Variants in COL5A2 observed in about 807,000 individuals in gnomAD.
The protein encoded by COL5A2 is collagen type V alpha 2 chain, also known as collagen alpha-2(V) chain.
A neutral mutation model predicts 208.2 loss-of-function variants in COL5A2; 23 were observed. That is an observed-to-expected ratio of 0.11 (90% confidence interval 0.08 to 0.16). The LOEUF is 0.16. COL5A2 is among the 10% of genes least tolerant of loss of function. The pLI is 1.00. For missense variants in COL5A2, 1,590 were observed against 1,956.4 expected (o/e 0.81, Z 3.53); for synonymous variants, 625 against 628.5 (o/e 0.99, Z 0.08).
intron 32 of COL5A2, 127 bp downstream of exon 32, chr2:189,058,722 A>G: frequency 1.0e-6 from 1 of 981,752 alleles, no homozygotes; most frequent in Non-Finnish European, 1.6e-6. Context: ...ATTTCTCATA[A>G]AATTAATTTT....
intron 51 of COL5A2, 149 bp downstream of exon 51, chr2:189,039,120 TCCA>T: frequency 1.0e-6 from 1 of 976,616 alleles, no homozygotes; most frequent in South Asian, 1.4e-5. Context: ...ATTGACTGTT[TCCA>T]CCATTAAATT....
At chr2:189,310,146 T>A in the COL5A2 span, among the ~76,000 whole-genome samples, 17 of 152,310 alleles carry the variant, frequency 1.1e-4, no homozygotes, top group South Asian at 1.0e-3. Flanking sequence ...AATGATTTTT[T>A]AAAATATGTA....
At chr2:189,062,069 CA>C (rs1013816529) in intron 29 of COL5A2, among the ~76,000 whole-genome samples, 8 of 151,856 alleles carry the variant, frequency 5.3e-5, no homozygotes, top group South Asian at 2.1e-4. Flanking sequence ...CCCACCCCCC[CA>C]AAAAAATATG....
chr2:189,070,657 A>G (rs189918103), intron 18 of COL5A2, among the ~76,000 whole-genome samples: 1 of 151,550 alleles, frequency 6.6e-6, no homozygotes, highest in African/African-American at 2.4e-5. Context: ...AAGTTGTAGT[A>G]TAAACCTCTT....
At chr2:189,236,086 G>T in the COL5A2 span, among the ~76,000 whole-genome samples, 1 of 151,514 alleles carries the variant, frequency 6.6e-6, no homozygotes, top group Non-Finnish European at 1.5e-5. Context: ...ACAACTTGCT[G>T]TTCAAGGGAT....
the COL5A2 span, among the ~76,000 whole-genome samples, chr2:189,368,404 A>G: frequency 2.6e-5 from 4 of 152,268 alleles, no homozygotes; most frequent in East Asian, 7.7e-4. Context: ...CACAACATAC[A>G]TCGGATAGTA....
intron 3 of COL5A2, among the ~76,000 whole-genome samples, chr2:189,100,941 T>A (rs1183024492): frequency 1.3e-5 from 2 of 152,038 alleles, no homozygotes; most frequent in African/African-American, 4.8e-5. Context: ...GATTAAATAA[T>A]ATTGGATGAA....
the COL5A2 span, among the ~76,000 whole-genome samples, chr2:189,281,508 C>A: frequency 3.9e-5 from 6 of 152,098 alleles, no homozygotes; most frequent in African/African-American, 1.4e-4. Context: ...GTCAGACTCT[C>A]CAAATAGTGA....
At chr2:189,428,926 A>G in the COL5A2 span, among the ~76,000 whole-genome samples, 5,373 of 152,326 alleles carry the variant, frequency 0.035, 112 homozygotes, top group Admixed American at 0.05. Context: ...AATAGAAAGT[A>G]GAATGGTGGT....
chr2:189,368,876 G>A, the COL5A2 span, among the ~76,000 whole-genome samples: 1 of 152,072 alleles, frequency 6.6e-6, no homozygotes, highest in Non-Finnish European at 1.5e-5. Flanking sequence ...GGCCTATTCA[G>A]GTGATCATAA....
intron 1 of COL5A2, among the ~76,000 whole-genome samples, chr2:189,191,102 T>C (rs1257093712): frequency 7.8e-6 from 1 of 128,068 alleles, no homozygotes; most frequent in African/African-American, 2.8e-5. Flanking sequence ...TGAATAGCAC[T>C]CCAACAAAGA....
At chr2:189,080,901 T>C (rs895968983) in intron 13 of COL5A2, 89 bp downstream of exon 13, 2 of 1,093,260 alleles carry the variant, frequency 1.8e-6, no homozygotes, top group Non-Finnish European at 2.8e-6. Flanking sequence ...AATTGACAAA[T>C]TGACTTGTAA....
the COL5A2 span, among the ~76,000 whole-genome samples, chr2:189,352,483 C>T: frequency 1.1e-4 from 16 of 152,182 alleles, no homozygotes; most frequent in South Asian, 1.9e-3. Context: ...TTTTAATGAT[C>T]GCCATTCTAA....
At chr2:189,353,378 G>A in the COL5A2 span, among the ~76,000 whole-genome samples, 1 of 152,158 alleles carries the variant, frequency 6.6e-6, no homozygotes, top group Non-Finnish European at 1.5e-5. Flanking sequence ...AATTACTTTG[G>A]GCAACGTGGC....
At chr2:189,385,150 A>C in the COL5A2 span, among the ~76,000 whole-genome samples, 1 of 152,120 alleles carries the variant, frequency 6.6e-6, no homozygotes, top group Non-Finnish European at 1.5e-5. Flanking sequence ...CCAATCAGGC[A>C]AGAGAAAGAA....
the COL5A2 span, among the ~76,000 whole-genome samples, chr2:189,282,045 C>T: frequency 3.9e-5 from 6 of 152,080 alleles, no homozygotes; most frequent in East Asian, 3.9e-4. Context: ...ATTAGCCAGG[C>T]GTAGTGGTGG....
the COL5A2 span, among the ~76,000 whole-genome samples, chr2:189,254,269 C>G: frequency 7.1e-6 from 1 of 140,832 alleles, no homozygotes; most frequent in Admixed American, 7.4e-5. Context: ...TATAATTTAA[C>G]AGAGATGATA....
chr2:189,178,979 A>T (rs1688733649), intron 1 of COL5A2, among the ~76,000 whole-genome samples: 1 of 152,240 alleles, frequency 6.6e-6, no homozygotes, highest in Non-Finnish European at 1.5e-5. Context: ...AATGGTAAAA[A>T]GAAGTTTAAA....
At chr2:189,381,829 A>G in the COL5A2 span, among the ~76,000 whole-genome samples, 1 of 152,116 alleles carries the variant, frequency 6.6e-6, no homozygotes, top group African/African-American at 2.4e-5. Context: ...ACATCCTTTA[A>G]ACAGAATTCA....
Sources: allele counts gnomAD v4.1 joint callset (sites outside exome capture counted in the v4.1 genomes callset), GRCh38; gene constraint gnomAD v4.1.1; transcripts MANE v1.5; gene names NCBI Gene and HGNC (gene_info 2026-07-23, HGNC 2026-07-21).